HTT: variants seen among roughly 807,000 people sequenced by gnomAD.
HTT encodes the protein huntingtin, also known as huntington disease protein.
Under a neutral mutation model 362.3 loss-of-function variants are expected in HTT, and 104 were observed. The observed-to-expected ratio is 0.29, with a 90% confidence interval of 0.24 to 0.34. HTT has a LOEUF of 0.34. Ranked by LOEUF, HTT falls within the 10% of genes least tolerant of loss-of-function variation. The pLI, the probability that HTT is intolerant of heterozygous loss-of-function variation, is 1.00. For missense variants in HTT, 3,301 were observed against 3,928.6 expected (o/e 0.84, Z 4.27); for synonymous variants, 1,577 against 1,548.7 (o/e 1.02, Z -0.43).
chr4:3,215,133 C>G lies in HTT; in HGVS notation c.6976C>G (p.Leu2326Val), dbSNP rs368077431. 1 of 1,614,032 alleles carries G rather than the reference C, an allele frequency of 6.2e-7. No individual in the cohort carries two copies. Among genetic ancestry groups the G allele is most frequent in the Non-Finnish European group, 8.5e-7 (1 of 1,179,898 alleles). Reference protein sequence around the residue: ...EAVAVQPGEQLLSPERRTNTP... With the variant: ...EAVAVQPGEQVLSPERRTNTP... ...AGTTGCAGTGCAGCCTGGAGAGCAGCTTCTTAGTCCAGAAAGAAGGACAAA... is the reference window on the plus strand; with the variant it reads ...AGTTGCAGTGCAGCCTGGAGAGCAGGTTCTTAGTCCAGAAAGAAGGACAAA... The change falls in exon 51 of 67, where the codon CTT (leucine) becomes GTT (valine). Residue 2326 changes from leucine to valine, a missense_variant. Coordinates refer to ENST00000355072, the MANE Select transcript of HTT (RefSeq NM_001388492.1).
At chr4:3,180,823 GGGGGGGTGTGGTGGAGTT>G (rs1718483746) in intron 36 of HTT, 172 bp downstream of exon 36, 1 of 248,744 alleles carries the variant, frequency 4.0e-6, no homozygotes, top group Non-Finnish European at 7.3e-6. Context: ...GGCGGGGGGT[GGGGGGGTGTGGTGGAGTT>G]GGGGAGGTGC....
intron 4 of HTT, among the ~76,000 whole-genome samples, chr4:3,104,527 T>G (rs1305209556): frequency 6.6e-6 from 1 of 151,976 alleles, no homozygotes; most frequent in Non-Finnish European, 1.5e-5. Context: ...GGGAATCGCT[T>G]GAACCTGGGG....
At chr4:3,136,458 T>G (rs1716068922) in intron 21 of HTT, 132 bp downstream of exon 21, 1 of 466,528 alleles carries the variant, frequency 2.1e-6, no homozygotes, top group African/African-American at 2.0e-5. Context: ...AGCCATTCTA[T>G]TCTTAAACTA....
intron 21 of HTT, among the ~76,000 whole-genome samples, chr4:3,138,192 TGCCTG>T (rs1716172173): frequency 6.7e-6 from 1 of 149,622 alleles, no homozygotes; most frequent in Non-Finnish European, 1.5e-5. Flanking sequence ...CCTGCCTGCC[TGCCTG>T]CCTTCCTTCC....
At chr4:3,114,081 A>G (rs1368567037) in intron 6 of HTT, among the ~76,000 whole-genome samples, 5 of 152,250 alleles carry the variant, frequency 3.3e-5, no homozygotes, top group African/African-American at 9.6e-5. Context: ...TTGTTTCTAT[A>G]GATGTTAAAT....
In HTT at chr4:3,132,419, A is replaced by T. The variant is rs996776410; in HGVS notation, c.2237-143A>T. On this transcript the variant is annotated intron_variant, in intron 16 of 66. Transcript: ENST00000355072. ...GAAACTTTTTTTTTTTTAATCACTT[A>T]GGGTTATTATAGTGAAGTCATTTCT... 3 of 622,652 alleles carry T rather than the reference A, an allele frequency of 4.8e-6. No individual in the cohort carries two copies. In the East Asian group the frequency reaches 8.5e-5, roughly 18 times the overall value. 38.6% of individuals were successfully genotyped at this position (622,652 alleles called of 1,614,324 possible). A position where few individuals can be genotyped will look rare whatever the true frequency, so the allele number is the denominator to read the frequency against.
chr4:3,151,340 A>C (rs1265057566), intron 26 of HTT, among the ~76,000 whole-genome samples: 1 of 152,024 alleles, frequency 6.6e-6, no homozygotes, highest in Non-Finnish European at 1.5e-5. Flanking sequence ...GCCCACAGGA[A>C]AAAGAGAGAA....
chr4:3,089,901 T>A (rs1713410794), intron 2 of HTT, among the ~76,000 whole-genome samples: 1 of 152,214 alleles, frequency 6.6e-6, no homozygotes. Flanking sequence ...GGAGTAATGC[T>A]GAGAGTTCAT....
intron 1 of HTT, among the ~76,000 whole-genome samples, chr4:3,082,693 T>G (rs183995563): frequency 2.0e-4 from 30 of 152,316 alleles, no homozygotes; most frequent in Admixed American, 1.8e-3. Flanking sequence ...CCTTTGTTGT[T>G]GCTAATAACA....
chr4:3,080,421 C>G (rs1284058443), intron 1 of HTT, among the ~76,000 whole-genome samples: 1 of 152,112 alleles, frequency 6.6e-6, no homozygotes, highest in Admixed American at 6.6e-5. Context: ...CTTATACTTA[C>G]CTTGCAAACC....
intron 9 of HTT, among the ~76,000 whole-genome samples, chr4:3,121,975 C>T (rs1197470483): frequency 6.6e-6 from 1 of 152,234 alleles, no homozygotes; most frequent in Non-Finnish European, 1.5e-5. Context: ...TTGGCTGCCT[C>T]CTGTGGCATT....
At chr4:3,100,835 C>T (rs1319931787) in intron 3 of HTT, among the ~76,000 whole-genome samples, 2 of 152,234 alleles carry the variant, frequency 1.3e-5, no homozygotes, top group Non-Finnish European at 2.9e-5. Flanking sequence ...TCAAGCTATC[C>T]TCCTGGCTTG....
chr4:3,234,303 C>T (rs1721414314), intron 61 of HTT, among the ~76,000 whole-genome samples: 2 of 152,242 alleles, frequency 1.3e-5, no homozygotes, highest in African/African-American at 4.8e-5. Flanking sequence ...GCCAGAGTGT[C>T]ACAAGCCCGT....
At chr4:3,181,000 C>G (rs1305186558) in intron 36 of HTT, among the ~76,000 whole-genome samples, 1 of 151,886 alleles carries the variant, frequency 6.6e-6, no homozygotes, top group Admixed American at 6.6e-5. Context: ...CCTCCACCTC[C>G]CGAGTAGCTG....
chr4:3,223,378 C>T (rs1209992320), intron 54 of HTT, 28 bp from the exon 55 acceptor site: 2 of 1,546,194 alleles, frequency 1.3e-6, no homozygotes, highest in Non-Finnish European at 8.7e-7. Context: ...TCTTGCTGCT[C>T]TTGTTGACAT....
At position 3,185,394 on chromosome 4, in the gene HTT, T is replaced by A. The variant is rs377601522; in HGVS notation, c.4867-1203T>A. Among the ~76,000 whole-genome samples the A allele has an allele frequency of 7.9e-5, 12 of 152,284 alleles. No individual in the cohort carries two copies. The East Asian group carries it at 2.3e-3, about 29-fold the overall frequency. ...GCGAGGGTCCAGGATGCAGGAATCC[T>A]GGAGCTCAAGTCAGTTGTTCCCTTG... On this transcript the variant is annotated intron_variant, in intron 37 of 66. Transcript: ENST00000355072.
rs2110294446 is a variant in HTT at position 3,228,843 on chromosome 4, A to C, written c.7980-37A>C. The C allele has an allele frequency of 6.3e-7, 1 of 1,595,592 alleles. No individual in the cohort carries two copies. Among genetic ancestry groups the C allele is most frequent in the East Asian group, 2.3e-5 (1 of 44,364 alleles). On this transcript the variant is annotated intron_variant, in intron 58 of 66. Transcript: ENST00000355072. This position sits in a 1 kb window ranked among gnomAD's most constrained non-coding sequence, Gnocchi z 4.3. ...CTTCTTGAAATGAGCCTCTCATCTCATGTACTTGGAAAATACCCATCTCGC... is the reference window on the plus strand; with the variant it reads ...CTTCTTGAAATGAGCCTCTCATCTCCTGTACTTGGAAAATACCCATCTCGC...
intron 4 of HTT, among the ~76,000 whole-genome samples, 196 bp from the exon 5 acceptor site, chr4:3,105,161 A>G (rs1454903639): frequency 1.3e-5 from 2 of 152,240 alleles, no homozygotes; most frequent in African/African-American, 4.8e-5. Context: ...GATGAGAATT[A>G]AAAATGGTAA....
chr4:3,226,071 T>A (rs1178553593), intron 57 of HTT, among the ~76,000 whole-genome samples: 2 of 150,778 alleles, frequency 1.3e-5, no homozygotes, highest in African/African-American at 2.5e-5. Context: ...AAAAGGGGGG[T>A]GAGGACAGAG....
Sources: gnomAD v4.1 joint callset for allele counts (sites outside exome capture counted in the v4.1 genomes callset) on GRCh38, gnomAD v4.1.1 for gene constraint, Gnocchi (gnomAD v3.1) non-coding constraint, MANE v1.5 for transcripts, NCBI Gene and HGNC (gene_info 2026-07-23, HGNC 2026-07-21) for gene names.